Variants in FN1 observed in about 807,000 individuals in gnomAD.
FN1 encodes fibronectin 1.
In FN1, 106 loss-of-function variants were observed where a neutral mutation model predicts 297.3. That is an observed-to-expected ratio of 0.36 (90% CI 0.30 to 0.42). The LOEUF (loss-of-function observed/expected upper bound fraction) is 0.42. Ranked by LOEUF, FN1 falls within the 10% of genes least tolerant of loss-of-function variation. The pLI is 1.00. For synonymous variants in FN1, 1,149 were observed against 1,152.6 expected, an observed-to-expected ratio of 1.00 and a Z score of 0.06; for missense variants, 2,690 against 3,124.9, an observed-to-expected ratio of 0.86 and a Z score of 3.32.
rs141319115 is a variant in FN1, at chr2:215,380,978, G to A, written c.5267C>T (p.Thr1756Ile). ...GATTCCATCCTCAGGGCTCGAGTAGGTCACCCTGTACCTGGAAACTTGCCC... is the reference window on the plus strand; with the variant it reads ...GATTCCATCCTCAGGGCTCGAGTAGATCACCCTGTACCTGGAAACTTGCCC... ...PQGQVSRYRV[T>I]YSSPEDGIHE... The change falls in exon 33 of 46, where the codon ACC becomes ATC. Residue 1756 changes from threonine (T) to isoleucine (I), a missense_variant. By Grantham distance (89) the Thr-to-Ile change is moderately conservative. Coordinates refer to ENST00000354785, the MANE Select transcript of FN1 (RefSeq NM_212482.4). 5.5e-5 allele frequency: 89 copies of A among 1,614,122 alleles called. No individual in the cohort carries two copies. The highest frequency in any genetic ancestry group is 7.4e-5 in the Non-Finnish European group (87 of 1,180,052).
intron 41 of FN1, among the ~76,000 whole-genome samples, chr2:215,368,764 T>C (rs920108715): frequency 6.6e-6 from 1 of 152,212 alleles, no homozygotes; most frequent in African/African-American, 2.4e-5. Context: ...CCTTGGAATA[T>C]AGATGATTTA....
chr2:215,414,548 T>G, intron 13 of FN1: 1 of 429,140 alleles, frequency 2.3e-6, no homozygotes, highest in East Asian at 5.1e-5. Context: ...TTAAGCATTA[T>G]CATTTCTAAG....
At chr2:215,408,032 C>T in intron 17 of FN1, 76 bp downstream of exon 17, 1 of 1,088,120 alleles carries the variant, frequency 9.2e-7, no homozygotes, top group Non-Finnish European at 1.4e-6. Context: ...TGCAGGTCCG[C>T]AGTCAGAATC....
At chr2:215,379,350 T>G in intron 33 of FN1, 33 bp from the exon 34 acceptor site, 9 of 1,594,010 alleles carry the variant, frequency 5.6e-6, no homozygotes, top group Non-Finnish European at 7.7e-6. Context: ...GAGGTTATCT[T>G]ATAGGAAATG....
chr2:215,406,603 G>C (rs1396917757), intron 18 of FN1, 93 bp from the exon 19 acceptor site: 1 of 1,342,084 alleles, frequency 7.5e-7, no homozygotes, highest in African/African-American at 1.4e-5. Flanking sequence ...AGTTCATTGA[G>C]CCTCTCATTC....
In FN1 at chr2:215,391,892, T is replaced by C. The variant is rs6709607; in HGVS notation, c.4070-78A>G. ...TAACGAAGTAGCTGGAAAGGTAAAA[T>C]CAATATTTCATGCATAAAGGAAACA... On this transcript the variant is annotated intron_variant, in intron 25 of 45. Coordinates refer to ENST00000354785, the MANE Select transcript of FN1 (RefSeq NM_212482.4). The C allele has an allele frequency of 0.61, 767,257 of 1,261,198 alleles. 237,041 individuals carry two copies. The highest frequency in any genetic ancestry group is 0.87 in the East Asian group (37,364 of 42,944). The allele number at this position is 1,261,198 out of a possible 1,614,324, so 78.1% of individuals were successfully genotyped here.
rs190493286 is a variant in FN1 at position 215,371,080 on chromosome 2, C to T, written c.6715-648G>A. ...GTCAGGAGATCGAGACCATCCTGGC[C>T]AACATCGTGAAACCCCGTCTCTACT... On this transcript the variant is annotated intron_variant, in intron 40 of 45. Coordinates refer to ENST00000354785, the MANE Select transcript of FN1 (RefSeq NM_212482.4). 9.2e-3 allele frequency among the ~76,000 whole-genome samples: 1,398 copies of T among 151,874 alleles called. 12 individuals carry two copies. The highest frequency in any genetic ancestry group is 0.014 in the Non-Finnish European group (936 of 67,980).
At chr2:215,366,123 G>A (rs2054562549) in intron 42 of FN1, among the ~76,000 whole-genome samples, 1 of 151,816 alleles carries the variant, frequency 6.6e-6, no homozygotes, top group African/African-American at 2.4e-5. Flanking sequence ...TGGCCAATGG[G>A]CCATTTCTTT....
intron 24 of FN1, 146 bp downstream of exon 24, chr2:215,394,382 A>T: frequency 1.3e-6 from 1 of 756,882 alleles, no homozygotes; most frequent in Non-Finnish European, 2.4e-6. Context: ...CGCTGCTTTG[A>T]CTTCTTGGTT....
rs762224290 is a variant in FN1 at position 215,380,890 on chromosome 2, C to T, written c.5355G>A (p.Pro1785=). Residue 1785 remains proline, a synonymous_variant, in exon 33 of 46, where the codon CCG becomes CCA. Transcript: ENST00000354785. ...EDTAELQGLR[P]GSEYTVSVVA... ...CCACACTGACTGTGTACTCAGAACCCGGTCTGAGGCCTTGCAGCTCTGCAG... is the reference window on the plus strand; with the variant it reads ...CCACACTGACTGTGTACTCAGAACCTGGTCTGAGGCCTTGCAGCTCTGCAG... The T allele has an allele frequency of 2.0e-5, 33 of 1,614,016 alleles. No individual in the cohort carries two copies. Among genetic ancestry groups the T allele is most frequent in the Non-Finnish European group, 2.2e-5 (26 of 1,180,016 alleles).
intron 5 of FN1, 143 bp downstream of exon 5, chr2:215,430,571 TA>T (rs2066333288): frequency 1.2e-6 from 1 of 853,322 alleles, no homozygotes; most frequent in Admixed American, 2.2e-5. Flanking sequence ...ATAAGTTGGT[TA>T]TGAAAGTTTT....
At chr2:215,362,123 C>T (rs184857180) in intron 44 of FN1, 44 bp from the exon 45 acceptor site, 1 of 1,411,988 alleles carries the variant, frequency 7.1e-7, no homozygotes, top group East Asian at 2.3e-5. Flanking sequence ...TTATGATAAC[C>T]TGAGGACATC....
In FN1 at chr2:215,412,658, T is replaced by A. The variant is rs1036902291; in HGVS notation, c.1941+2179A>T. Among the ~76,000 whole-genome samples the A allele has an allele frequency of 2.0e-5, 3 of 152,116 alleles. No individual in the cohort carries two copies. In the East Asian group the frequency reaches 5.8e-4, roughly 29 times the overall value. ...AGGATTTAGCTCAATAATACCACCCTTTCCTTCCAGAATCTTGGACATTCC... is the reference window on the plus strand; with the variant it reads ...AGGATTTAGCTCAATAATACCACCCATTCCTTCCAGAATCTTGGACATTCC... On this transcript the variant is annotated intron_variant, in intron 13 of 45. Coordinates refer to ENST00000354785, the MANE Select transcript of FN1 (RefSeq NM_212482.4).
rs141113660 is a variant in FN1 at position 215,408,860 on chromosome 2, G to A, written c.2300-434C>T. 2.4e-3 allele frequency among the ~76,000 whole-genome samples: 370 copies of A among 152,230 alleles called. 4 individuals carry two copies. The highest frequency in any genetic ancestry group is 0.02 in the East Asian group (105 of 5,174). On this transcript the variant is annotated intron_variant, in intron 15 of 45. Coordinates refer to ENST00000354785, the MANE Select transcript of FN1 (RefSeq NM_212482.4). ...GCTGAGATTATAGGAGTTAGCCACC[G>A]CACCCACCTAATCTGTGATTATTAA...
At chr2:215,399,161 G>C (rs2060670642) in intron 21 of FN1, 96 bp downstream of exon 21, 3 of 886,372 alleles carry the variant, frequency 3.4e-6, no homozygotes, top group Non-Finnish European at 5.7e-6. Context: ...ACAAAACCCA[G>C]GTCTCCTGAC....
chr2:215,415,743 G>T (rs2063345230), intron 12 of FN1, among the ~76,000 whole-genome samples: 1 of 151,994 alleles, frequency 6.6e-6, no homozygotes, highest in African/African-American at 2.4e-5. Flanking sequence ...TTTAAAGTAT[G>T]GTTTTGGTTC....
rs564841250 is a variant in FN1, at chr2:215,391,679, A to G, written c.4205T>C (p.Val1402Ala). 5 of 1,614,166 alleles carry G rather than the reference A, an allele frequency of 3.1e-6. No individual in the cohort carries two copies. Among genetic ancestry groups the G allele is most frequent in the Admixed American group, 3.3e-5 (2 of 60,026 alleles). ...TGAAGGAGAAATTGACAACTCTGCA[A>G]CATCTTCCTCATTTTTCACAGGTGA... is the stretch of plus-strand genomic sequence containing the variant. ...RYSPVKNEED[V>A]AELSISPSDN... The change falls in exon 26 of 46, where the codon GTT becomes GCT. Residue 1402 changes from valine (V) to alanine (A), a missense_variant. Physicochemically the swap from Val to Ala is moderately conservative, Grantham distance 64. Around this residue, in one of 3 missense-constraint regions of FN1, gnomAD observed 1,743 missense variants for 1,945.2 expected, o/e 0.90. Coordinates refer to ENST00000354785, the MANE Select transcript of FN1 (RefSeq NM_212482.4).
Position 215,361,399 on chromosome 2 carries a change from G to T in FN1, c.*156C>A. ...CAGGAAACTCCCAGGGTGATGCTTG[G>T]AGAAGCTGTGAGTTGAGCTGAAGCT... On this transcript the variant is annotated 3_prime_UTR_variant, in exon 46 of 46. Coordinates refer to ENST00000354785, the MANE Select transcript of FN1 (RefSeq NM_212482.4). The T allele has an allele frequency of 1.3e-6, 1 of 743,210 alleles. No homozygotes were observed. The highest frequency in any genetic ancestry group is 2.5e-6 in the Non-Finnish European group (1 of 401,638). The allele number at this position is 743,210 out of a possible 1,614,324, so 46.0% of individuals were successfully genotyped here.
intron 19 of FN1, 77 bp downstream of exon 19, chr2:215,406,161 G>T: frequency 7.0e-7 from 1 of 1,433,378 alleles, no homozygotes; most frequent in Non-Finnish European, 9.8e-7. Flanking sequence ...CTGAGTGAAT[G>T]GTTTACTGCA....
Sources: allele counts gnomAD v4.1 joint callset (sites outside exome capture counted in the v4.1 genomes callset), GRCh38; gene constraint gnomAD v4.1.1; regional missense constraint gnomAD v4.1.1; transcripts MANE v1.5; gene names NCBI Gene and HGNC (gene_info 2026-07-23, HGNC 2026-07-21).